Variants in ICA1L observed in about 807,000 individuals in gnomAD.
ICA1L encodes the protein islet cell autoantigen 1 like.
ICA1L carries 50 observed loss-of-function variants against 61.3 expected under a neutral mutation model. The observed-to-expected ratio is 0.82, with a 90% CI of 0.65 to 1.03. The LOEUF (loss-of-function observed/expected upper bound fraction) is 1.03. ICA1L is among the 50% of genes least tolerant of loss of function. The pLI, the probability that ICA1L is intolerant of heterozygous loss-of-function variation, is 0.00. For missense variants in ICA1L, 508 were observed against 556.7 expected, an observed-to-expected ratio of 0.91 and a Z score of 0.88; for synonymous variants, 161 against 191.3, an observed-to-expected ratio of 0.84 and a Z score of 1.31.
intron 9 of ICA1L, among the ~76,000 whole-genome samples, chr2:202,798,382 G>A (rs927201622): frequency 1.3e-5 from 2 of 152,056 alleles, no homozygotes; most frequent in African/African-American, 4.8e-5. Context: ...GGGACTATAG[G>A]TGTGTGTCAC....
chr2:202,797,802 A>G (rs1285897507), intron 9 of ICA1L, among the ~76,000 whole-genome samples: 2 of 152,188 alleles, frequency 1.3e-5, no homozygotes, highest in Non-Finnish European at 2.9e-5. Flanking sequence ...GATTACAGGT[A>G]TGATCCACCA....
At chr2:202,821,661 T>G in intron 3 of ICA1L, 180 bp from the exon 4 acceptor site, 1 of 446,668 alleles carries the variant, frequency 2.2e-6, no homozygotes, top group South Asian at 2.7e-5. Context: ...CTACTTTCCA[T>G]AGGTCTAGGG....
At chr2:202,850,808 C>G (rs1694594806) in intron 1 of ICA1L, among the ~76,000 whole-genome samples, 1 of 152,018 alleles carries the variant, frequency 6.6e-6, no homozygotes, top group South Asian at 2.1e-4. Context: ...AGATACTCCT[C>G]AAGAAGAGCA....
chr2:202,847,695 T>TTATATATATATATATATATATA lies in ICA1L; in HGVS notation c.-7-18680_-7-18679insTATATATATATATATATATATA, dbSNP rs80134434. ...CTTAGAATGAAATATTATATGGGAA[T>TTATATATATATATATATATATA]TATATATATATATAGTTAAGCAGTG... On this transcript the variant is annotated intron_variant, in intron 1 of 12. Transcript: ENST00000358299. Among the ~76,000 whole-genome samples, 68 of 102,212 alleles carry TTATATATATATATATATATATA rather than the reference T, an allele frequency of 6.7e-4. 4 individuals are homozygous for TTATATATATATATATATATATA. Among genetic ancestry groups the TTATATATATATATATATATATA allele is most frequent in the African/African-American group, 1.3e-3 (30 of 23,298 alleles). The allele number at this position is 102,212 out of a possible 152,430, so 67.1% of individuals were successfully genotyped here.
chr2:202,865,330 G>A (rs557222774), intron 1 of ICA1L, among the ~76,000 whole-genome samples: 6 of 147,296 alleles, frequency 4.1e-5, no homozygotes, highest in East Asian at 4.1e-4. Context: ...TTAGCCGGGC[G>A]TGGTGGTGCA....
chr2:202,864,747 G>A (rs368823205), intron 1 of ICA1L, among the ~76,000 whole-genome samples: 4 of 152,188 alleles, frequency 2.6e-5, no homozygotes, highest in East Asian at 1.9e-4. Flanking sequence ...GGCCAGGTGC[G>A]GTGGCTCACG....
chr2:202,809,888 A>C (rs748061281), intron 9 of ICA1L, among the ~76,000 whole-genome samples: 10 of 152,218 alleles, frequency 6.6e-5, no homozygotes, highest in Non-Finnish European at 1.5e-4. Context: ...TTGGCTTTAA[A>C]GAGGAGGTAG....
At chr2:202,840,908 C>T (rs183973784) in intron 1 of ICA1L, 10 of 711,790 alleles carry the variant, frequency 1.4e-5, no homozygotes, top group Non-Finnish European at 2.1e-5. Flanking sequence ...TCCCAGCCAG[C>T]GTCTGCAGTT....
At chr2:202,786,083 A>C in intron 11 of ICA1L, 76 bp from the exon 12 acceptor site, 1 of 802,584 alleles carries the variant, frequency 1.2e-6, no homozygotes, top group South Asian at 1.5e-5. Context: ...AAAAGGTAAA[A>C]ATATCTAAGT....
At chr2:202,793,522 A>C (rs1169189515) in intron 10 of ICA1L, among the ~76,000 whole-genome samples, 3 of 149,242 alleles carry the variant, frequency 2.0e-5, no homozygotes, top group Non-Finnish European at 4.5e-5. Context: ...AAAAAAAAAA[A>C]AAAAAATTAG....
intron 9 of ICA1L, among the ~76,000 whole-genome samples, chr2:202,809,680 G>A (rs1289267889): frequency 6.6e-6 from 1 of 152,032 alleles, no homozygotes; most frequent in East Asian, 1.9e-4. Context: ...GGGCGTGGTG[G>A]CAGACGCCTG....
At chr2:202,805,990 C>G (rs1414061446) in intron 9 of ICA1L, among the ~76,000 whole-genome samples, 3 of 152,184 alleles carry the variant, frequency 2.0e-5, no homozygotes, top group African/African-American at 7.2e-5. Context: ...ACAACGGTCT[C>G]TTACATTGTT....
intron 12 of ICA1L, among the ~76,000 whole-genome samples, chr2:202,783,869 T>G (rs1692491426): frequency 6.6e-6 from 1 of 151,692 alleles, no homozygotes; most frequent in Non-Finnish European, 1.5e-5. Context: ...CTTAAACTAT[T>G]TATTTCAGTT....
rs1692306153 is a variant in ICA1L, at chr2:202,778,788, T to C, written c.*745A>G. 6.6e-6 allele frequency: 1 copy of C among 152,544 alleles called. No homozygotes were observed. Among genetic ancestry groups the C allele is most frequent in the East Asian group, 1.9e-4 (1 of 5,200 alleles). The allele number at this position is 152,544 out of a possible 1,614,324, so 9.4% of individuals were successfully genotyped here. On this transcript the variant is annotated 3_prime_UTR_variant, in exon 13 of 13. Transcript: ENST00000358299. ...CTTAAGTATTACTGTGCATTCTGAG[T>C]TTTAGGAGATGGGAAGATAGATTTT...
In ICA1L at chr2:202,776,544, G is replaced by A. The variant is rs933167622; in HGVS notation, c.*2989C>T. 2 of 152,094 alleles carry A rather than the reference G, an allele frequency of 1.3e-5. No homozygotes were observed. Among genetic ancestry groups the A allele is most frequent in the African/African-American group, 4.8e-5 (2 of 41,398 alleles). The allele number at this position is 152,094 out of a possible 1,614,324, so 9.4% of individuals were successfully genotyped here. ...CTTTCCCTCGTTTCTTCAGTGTGGT[G>A]GTTTTTTATATTAGCAGTATTGGTT... On this transcript the variant is annotated 3_prime_UTR_variant, in exon 13 of 13. Transcript: ENST00000358299.
chr2:202,786,592 G>A (rs910078434), intron 11 of ICA1L: 5 of 305,576 alleles, frequency 1.6e-5, no homozygotes, highest in East Asian at 9.5e-5. Flanking sequence ...AATGCAAAAG[G>A]TATAGGAAGA....
At chr2:202,790,410 G>C (rs1461495893) in intron 10 of ICA1L, among the ~76,000 whole-genome samples, 1 of 152,116 alleles carries the variant, frequency 6.6e-6, no homozygotes, top group Non-Finnish European at 1.5e-5. Context: ...CTATAATTTA[G>C]GAAAAACAGC....
chr2:202,788,644 C>A (rs1692659174), intron 11 of ICA1L, among the ~76,000 whole-genome samples, 186 bp downstream of exon 11: 1 of 151,800 alleles, frequency 6.6e-6, no homozygotes, highest in Non-Finnish European at 1.5e-5. Context: ...GCCCTTGTTT[C>A]AGTCTTGTTG....
chr2:202,836,397 G>C lies in ICA1L; in HGVS notation c.-7-7381C>G, dbSNP rs574831151. Among the ~76,000 whole-genome samples, 3 of 152,282 alleles carry C rather than the reference G, an allele frequency of 2.0e-5. No individual in the cohort carries two copies. The South Asian group carries it at 6.2e-4, about 32-fold the overall frequency. On this transcript the variant is annotated intron_variant, in intron 1 of 12. Coordinates refer to ENST00000358299, the MANE Select transcript of ICA1L (RefSeq NM_001288622.3). ...TGGTGAATGACCCTTCTAATGTGCT[G>C]TTGAATTTGGTTTGCTAGTATTTTC...
Sources: allele counts gnomAD v4.1 joint callset (sites outside exome capture counted in the v4.1 genomes callset), GRCh38; gene constraint gnomAD v4.1.1; transcripts MANE v1.5; gene names NCBI Gene and HGNC (gene_info 2026-07-23, HGNC 2026-07-21).